The following DNAH9 variants were observed in gnomAD, a reference collection of about 807,000 sequenced individuals.
DNAH9 encodes the protein dynein axonemal heavy chain 9, also known as DNAH9 variant protein.
In DNAH9, 345 loss-of-function variants were observed where a neutral mutation model predicts 471.6. That is an observed-to-expected ratio of 0.73 (90% CI 0.67 to 0.80). The LOEUF is 0.80. Among genes scored for constraint, DNAH9 ranks in the 30% least tolerant of loss-of-function variants. The pLI, the probability that DNAH9 is intolerant of heterozygous loss-of-function variation, is 0.00. For synonymous variants in DNAH9, 2,093 were observed against 2,123.6 expected, an observed-to-expected ratio of 0.99 and a Z score of 0.40; for missense variants, 5,407 against 5,609.2, an observed-to-expected ratio of 0.96 and a Z score of 1.15.
chr17:11,618,163 C>G (rs1597394283), intron 5 of DNAH9, among the ~76,000 whole-genome samples: 1 of 152,324 alleles, frequency 6.6e-6, no homozygotes. Context: ...GTGCCCTGCA[C>G]ATGGTAAGAA....
chr17:11,664,820 C>T lies in DNAH9; in HGVS notation c.2596-13C>T, dbSNP rs1358967912. ...TTAAACGAGGTTTATATCCTTTCTT[C>T]TTCCTTTTATAGGAAAACCTGGGTC... is the stretch of plus-strand genomic sequence containing the variant. On this transcript the variant is annotated splice_polypyrimidine_tract_variant and intron_variant, in intron 14 of 68. Transcript: ENST00000262442. 33 of 1,609,048 alleles carry T rather than the reference C, an allele frequency of 2.1e-5. No homozygotes were observed. The highest frequency in any genetic ancestry group is 2.6e-5 in the Non-Finnish European group (31 of 1,176,334).
intron 68 of DNAH9, among the ~76,000 whole-genome samples, chr17:11,966,453 C>T (rs765878738): frequency 2.0e-5 from 3 of 152,042 alleles, no homozygotes; most frequent in Non-Finnish European, 4.4e-5. Context: ...AGTAAACCAG[C>T]CTTATAGGAA....
chr17:11,620,721 G>A (rs1472032334), intron 6 of DNAH9, among the ~76,000 whole-genome samples: 1 of 152,074 alleles, frequency 6.6e-6, no homozygotes, highest in Admixed American at 6.5e-5. Flanking sequence ...TGCCTAGAAA[G>A]ACTGACACTG....
rs569148779 is a variant in DNAH9, at chr17:11,614,378, G to T, written c.904+2598G>T. 2.6e-5 allele frequency among the ~76,000 whole-genome samples: 4 copies of T among 152,298 alleles called. No individual in the cohort carries two copies. The East Asian group carries it at 7.7e-4, about 29-fold the overall frequency. On this transcript the variant is annotated intron_variant, in intron 4 of 68. Transcript: ENST00000262442. ...TGAGAAGAAAAAAGGAGGTTAAAAG[G>T]ATGGAGGAAAATATGCAGGAACCCG...
In DNAH9 at chr17:11,800,636, T is replaced by C. The variant is rs145788434; in HGVS notation, c.8420+2843T>C. ...TCCTTCTCTGCCCACTTCTTAGCCC[T>C]TGAACAAAGCAGTGCTTATCATTGT... On this transcript the variant is annotated intron_variant, in intron 43 of 68. Transcript: ENST00000262442. 5.9e-5 allele frequency among the ~76,000 whole-genome samples: 9 copies of C among 152,268 alleles called. No homozygotes were observed. The East Asian group carries it at 1.7e-3, about 29-fold the overall frequency.
chr17:11,653,959 G>A (rs1197266851), intron 14 of DNAH9, among the ~76,000 whole-genome samples: 1 of 151,830 alleles, frequency 6.6e-6, no homozygotes, highest in Non-Finnish European at 1.5e-5. Context: ...AGCTATCCTG[G>A]GCACTGTATC....
rs116938241 is a variant in DNAH9 at position 11,671,887 on chromosome 17, C to T, written c.3353+2093C>T. ...AGCTAGGAGGCCTGACTTTTGTGTC[C>T]TTGGATCCCTGTTTCCTCACCTCTG... On this transcript the variant is annotated intron_variant, in intron 17 of 68. Transcript: ENST00000262442. Among the ~76,000 whole-genome samples the T allele has an allele frequency of 1.1e-3, 171 of 152,226 alleles. 4 individuals carry two copies. The East Asian group carries it at 0.032, about 28-fold the overall frequency.
At chr17:11,662,152 C>G (rs1480867264) in intron 14 of DNAH9, among the ~76,000 whole-genome samples, 1 of 152,074 alleles carries the variant, frequency 6.6e-6, no homozygotes, top group African/African-American at 2.4e-5. Flanking sequence ...TCCAATGTTT[C>G]TTATAAGAAG....
intron 45 of DNAH9, among the ~76,000 whole-genome samples, chr17:11,816,387 T>C (rs1020154587): frequency 6.6e-6 from 1 of 152,170 alleles, no homozygotes; most frequent in African/African-American, 2.4e-5. Flanking sequence ...CAGCCCATAA[T>C]TGACATTTAG....
intron 41 of DNAH9, among the ~76,000 whole-genome samples, chr17:11,789,278 TTGTGCTTTCCTTAAA>T (rs2150904466): frequency 6.6e-6 from 1 of 152,200 alleles, no homozygotes; most frequent in African/African-American, 2.4e-5. Flanking sequence ...AAACATTGTA[TTGTGCTTTCCTTAAA>T]TGTTGGAAGA....
chr17:11,862,375 C>A (rs1269550129), intron 50 of DNAH9, among the ~76,000 whole-genome samples: 3 of 127,606 alleles, frequency 2.4e-5, no homozygotes, highest in Non-Finnish European at 5.0e-5. Context: ...TTCCATTGAT[C>A]TATATCTCTG....
intron 45 of DNAH9, among the ~76,000 whole-genome samples, chr17:11,815,551 G>A (rs1344235889): frequency 6.6e-6 from 1 of 152,168 alleles, no homozygotes; most frequent in Non-Finnish European, 1.5e-5. Context: ...CACTTTGGGA[G>A]GCCAAGATGG....
chr17:11,914,120 A>AG lies in DNAH9; in HGVS notation c.11749+8316dup, dbSNP rs529329588. Among the ~76,000 whole-genome samples, 165 of 152,328 alleles carry AG rather than the reference A, an allele frequency of 1.1e-3. No homozygotes were observed. The Middle Eastern group carries it at 0.017, about 16-fold the overall frequency. On this transcript the variant is annotated intron_variant, in intron 61 of 68. Transcript: ENST00000262442. Reference sequence around the variant, plus strand: ...TTTTTGATCAAATGTCATAATCTTTAGGGGGTCTCTAAAAGAAGAATGTTC... The same window carrying AG: ...TTTTTGATCAAATGTCATAATCTTTAGGGGGGTCTCTAAAAGAAGAATGTTC...
chr17:11,942,554 A>G (rs1974964853), intron 67 of DNAH9, 69 bp downstream of exon 67: 3 of 1,500,074 alleles, frequency 2.0e-6, no homozygotes, highest in Admixed American at 4.1e-5. Context: ...TATGGGGAAG[A>G]AGGAGCACTG....
intron 65 of DNAH9, among the ~76,000 whole-genome samples, chr17:11,935,534 C>T (rs1462876073): frequency 1.3e-5 from 2 of 151,888 alleles, no homozygotes; most frequent in African/African-American, 4.8e-5. Flanking sequence ...CGTCACCACG[C>T]CCAGCTAATT....
At position 11,756,580 on chromosome 17, in the gene DNAH9, G is replaced by A; in HGVS notation, c.6751G>A (p.Ala2251Thr). 6.2e-7 allele frequency: 1 copy of A among 1,611,552 alleles called. No individual in the cohort carries two copies. Among genetic ancestry groups the A allele is most frequent in the South Asian group, 1.1e-5 (1 of 91,016 alleles). ...CTGTTGTCTCCAGGTGCTGACATTG[G>A]CCAGCAATGAGAGGATTCCTCTGAA... ...VMDDNKVLTL[A>T]SNERIPLNPT... The change falls in exon 34 of 69, where the codon GCC becomes ACC. Residue 2251 changes from alanine (A) to threonine (T), a missense_variant. Coordinates refer to ENST00000262442, the MANE Select transcript of DNAH9 (RefSeq NM_001372.4).
At position 11,834,744 on chromosome 17, in the gene DNAH9, T is replaced by A. The variant is rs147724089; in HGVS notation, c.9353T>A (p.Val3118Glu). 8.9e-5 allele frequency: 143 copies of A among 1,613,936 alleles called. 2 individuals carry two copies. In the African/African-American group the frequency reaches 1.7e-3, roughly 19 times the overall value. Residue 3118 changes from valine to glutamate, a missense_variant, in exon 49 of 69, where the codon GTG becomes GAG. Val to Glu is a moderately radical substitution (Grantham distance 121). This residue lies in a region of DNAH9 where 4,636 missense variants were observed against 4,900.3 expected (regional missense o/e 0.95). Coordinates refer to ENST00000262442, the MANE Select transcript of DNAH9 (RefSeq NM_001372.4). ...IQVVGVETDK[V>E]SREKAMADEE... ...GTCGTGGGTGTGGAGACTGACAAAG[T>A]GAGCAGAGAGAAAGCCATGGCAGAT... is the stretch of plus-strand genomic sequence containing the variant.
intron 61 of DNAH9, among the ~76,000 whole-genome samples, chr17:11,913,553 C>T (rs188771812): frequency 7.9e-5 from 12 of 152,164 alleles, no homozygotes; most frequent in East Asian, 7.7e-4. Flanking sequence ...GAGGCCGAGG[C>T]GAGCGGATCA....
chr17:11,851,336 T>C (rs1971415480), intron 49 of DNAH9, among the ~76,000 whole-genome samples: 1 of 152,276 alleles, frequency 6.6e-6, no homozygotes, highest in African/African-American at 2.4e-5. Flanking sequence ...CAGGCTGGTC[T>C]CGAACTCCTG....
Sources: allele counts gnomAD v4.1 joint callset (sites outside exome capture counted in the v4.1 genomes callset), GRCh38; gene constraint gnomAD v4.1.1; regional missense constraint gnomAD v4.1.1; transcripts MANE v1.5; gene names NCBI Gene and HGNC (gene_info 2026-07-23, HGNC 2026-07-21).